Variants in GPC6 observed in about 807,000 individuals in gnomAD.
The protein encoded by GPC6 is glypican-6.
GPC6 carries 14 observed loss-of-function variants against 55.2 expected under a neutral mutation model. That is an observed-to-expected ratio of 0.25 (90% CI 0.17 to 0.40). GPC6 has a LOEUF of 0.40. Among genes scored for constraint, GPC6 ranks in the 10% least tolerant of loss-of-function variants. GPC6 has a pLI of 1.00. For synonymous variants in GPC6, 278 were observed against 259.6 expected, an observed-to-expected ratio of 1.07 and a Z score of -0.68; for missense variants, 641 against 708.5, an observed-to-expected ratio of 0.90 and a Z score of 1.08.
rs565784690 is a variant in GPC6 at position 94,000,387 on chromosome 13, G to C, written c.712-27342G>C. ...TATTACATTCAGAGGACTTGTGTCT[G>C]TGTGCTAGCATAAACTAAGACACCT... On this transcript the variant is annotated intron_variant, in intron 3 of 8. Coordinates refer to ENST00000377047, the MANE Select transcript of GPC6 (RefSeq NM_005708.5). Among the ~76,000 whole-genome samples the C allele has an allele frequency of 2.5e-3, 387 of 152,268 alleles. 5 individuals carry two copies. Among genetic ancestry groups the C allele is most frequent in the Admixed American group, 3.3e-3 (51 of 15,278 alleles).
intron 1 of GPC6, among the ~76,000 whole-genome samples, chr13:93,482,961 A>G (rs1296022551): frequency 6.6e-6 from 1 of 152,118 alleles, no homozygotes; most frequent in Non-Finnish European, 1.5e-5. Context: ...ACAAGAGTGC[A>G]TAGCTGGTTT....
At chr13:93,241,749 G>T (rs2139016107) in intron 1 of GPC6, among the ~76,000 whole-genome samples, 1 of 152,060 alleles carries the variant, frequency 6.6e-6, no homozygotes, top group African/African-American at 2.4e-5. Flanking sequence ...CATATTGCCA[G>T]AATTATTTTT....
At chr13:93,973,197 C>T (rs936764900) in intron 3 of GPC6, among the ~76,000 whole-genome samples, 1 of 152,154 alleles carries the variant, frequency 6.6e-6, no homozygotes, top group Non-Finnish European at 1.5e-5. Flanking sequence ...ACCTATTGCT[C>T]TTTGGCTACA....
intron 2 of GPC6, among the ~76,000 whole-genome samples, chr13:93,629,602 A>T (rs1327910531): frequency 5.3e-5 from 8 of 152,220 alleles, no homozygotes; most frequent in Non-Finnish European, 8.8e-5. Context: ...TTAGACTTAC[A>T]GCCAATTGTC....
intron 4 of GPC6, among the ~76,000 whole-genome samples, chr13:94,031,058 G>A (rs1005334422): frequency 8.6e-5 from 13 of 150,936 alleles, no homozygotes; most frequent in South Asian, 6.3e-4. Flanking sequence ...GCGTTTGTGC[G>A]TGTGCATGTG....
chr13:93,714,119 G>A (rs1330585983), intron 2 of GPC6, among the ~76,000 whole-genome samples: 1 of 151,862 alleles, frequency 6.6e-6, no homozygotes, highest in Non-Finnish European at 1.5e-5. Context: ...CTTCTACATA[G>A]CAAAAGAAAC....
intron 4 of GPC6, among the ~76,000 whole-genome samples, chr13:94,201,665 T>C (rs984073200): frequency 2.0e-5 from 3 of 152,126 alleles, no homozygotes; most frequent in Non-Finnish European, 4.4e-5. Flanking sequence ...GATGTCTACA[T>C]AGCGGCCGGG....
chr13:94,123,317 G>A (rs751772649), intron 4 of GPC6, among the ~76,000 whole-genome samples: 6 of 151,922 alleles, frequency 3.9e-5, no homozygotes, highest in Admixed American at 2.6e-4. Flanking sequence ...CATTCAATTT[G>A]AAGGAAAAAA....
chr13:94,346,108 G>T (rs1026537801), intron 6 of GPC6, among the ~76,000 whole-genome samples: 14 of 152,064 alleles, frequency 9.2e-5, no homozygotes, highest in African/African-American at 3.1e-4. Context: ...GTCTTATAAG[G>T]ACACCAGTCA....
intron 2 of GPC6, among the ~76,000 whole-genome samples, chr13:93,683,621 C>G (rs981555448): frequency 5.9e-5 from 9 of 152,032 alleles, no homozygotes; most frequent in Non-Finnish European, 8.8e-5. Context: ...TATATTTTGC[C>G]TGAAGTACAA....
At chr13:94,013,534 G>A (rs1882335785) in intron 3 of GPC6, among the ~76,000 whole-genome samples, 1 of 152,104 alleles carries the variant, frequency 6.6e-6, no homozygotes, top group Non-Finnish European at 1.5e-5. Flanking sequence ...ATTTGTAGTG[G>A]AGACGGGGTT....
At chr13:94,252,716 A>T (rs1207104712) in intron 4 of GPC6, among the ~76,000 whole-genome samples, 3 of 152,108 alleles carry the variant, frequency 2.0e-5, no homozygotes, top group Admixed American at 6.6e-5. Flanking sequence ...AAGAAATTTT[A>T]AAAATGCAGA....
At chr13:94,320,242 C>T (rs566607164) in intron 6 of GPC6, among the ~76,000 whole-genome samples, 2 of 152,270 alleles carry the variant, frequency 1.3e-5, no homozygotes, top group South Asian at 2.1e-4. Flanking sequence ...TTCAGATATG[C>T]TTGGTCCTGT....
intron 2 of GPC6, among the ~76,000 whole-genome samples, chr13:93,801,181 G>A (rs1435258230): frequency 1.3e-5 from 2 of 152,176 alleles, no homozygotes; most frequent in Non-Finnish European, 2.9e-5. Flanking sequence ...TATCACAGCA[G>A]GCAGATATTG....
At chr13:94,394,795 C>G (rs375238875) in intron 7 of GPC6, among the ~76,000 whole-genome samples, 1 of 152,152 alleles carries the variant, frequency 6.6e-6, no homozygotes, top group South Asian at 2.1e-4. Context: ...GATACGGATG[C>G]GCTGTTACTT....
chr13:94,184,064 C>T (rs961013512), intron 4 of GPC6, among the ~76,000 whole-genome samples: 13 of 152,072 alleles, frequency 8.5e-5, no homozygotes, highest in Non-Finnish European at 1.2e-4. Flanking sequence ...AAGAATGAAA[C>T]GGTTTCATTC....
At chr13:93,830,791 A>C (rs1339017359) in intron 3 of GPC6, 2 of 468,450 alleles carry the variant, frequency 4.3e-6, no homozygotes, top group East Asian at 8.2e-5. Flanking sequence ...ACTTATCAGC[A>C]GTATAGCAGA....
intron 2 of GPC6, among the ~76,000 whole-genome samples, chr13:93,724,545 G>T (rs9561432): frequency 0.038 from 5,700 of 151,992 alleles, 320 homozygotes; most frequent in East Asian, 0.28. Context: ...GTACAACAGA[G>T]AAATTATATT....
At chr13:93,843,689 C>A (rs550656340) in intron 3 of GPC6, among the ~76,000 whole-genome samples, 2 of 152,182 alleles carry the variant, frequency 1.3e-5, no homozygotes, top group African/African-American at 4.8e-5. Context: ...TAAAACAACC[C>A]TGAGCCGGCA....
Sources: gnomAD v4.1 joint callset for allele counts (sites outside exome capture counted in the v4.1 genomes callset) on GRCh38, gnomAD v4.1.1 for gene constraint, MANE v1.5 for transcripts, NCBI Gene and HGNC (gene_info 2026-07-23, HGNC 2026-07-21) for gene names.